The following ZAP70 variants were observed in gnomAD, a reference collection of about 807,000 sequenced individuals.
ZAP70 encodes the protein zeta chain of T cell receptor associated protein kinase 70.
In ZAP70, 27 loss-of-function variants were observed where a neutral mutation model predicts 65.8. That is an observed-to-expected ratio of 0.41 (90% CI 0.30 to 0.57). The LOEUF (loss-of-function observed/expected upper bound fraction) is 0.57. ZAP70 is among the 20% of genes least tolerant of loss of function. The pLI is 0.28. For synonymous variants in ZAP70, 363 were observed against 360.8 expected (o/e 1.01, Z -0.07); for missense variants, 696 against 870.5 (o/e 0.80, Z 2.52).
At chr2:97,748,931 T>C in the ZAP70 span, among the ~76,000 whole-genome samples, 65 of 152,136 alleles carry the variant, frequency 4.3e-4, 1 homozygote, top group South Asian at 0.013. Flanking sequence ...TGTGCTCTTC[T>C]TAGGTCCGTG....
chr2:97,736,271 A>C lies in ZAP70; in HGVS notation c.1289+815A>C, dbSNP rs556997299. 1.3e-5 allele frequency among the ~76,000 whole-genome samples: 2 copies of C among 152,146 alleles called. No homozygotes were observed. The highest frequency in any genetic ancestry group is 4.8e-5 in the African/African-American group (2 of 41,496). On this transcript the variant is annotated intron_variant, in intron 10 of 13. Coordinates refer to ENST00000264972, the MANE Select transcript of ZAP70 (RefSeq NM_001079.4). This position sits in a 1 kb window ranked among gnomAD's most constrained non-coding sequence, Gnocchi z 4.0. ...ATCCTTACTATCCGGCCCTTTACTGAAAAGTTTTGCAGTTTCATTTGTGGT... is the reference window on the plus strand; with the variant it reads ...ATCCTTACTATCCGGCCCTTTACTGCAAAGTTTTGCAGTTTCATTTGTGGT...
rs1559326539 is a variant in ZAP70 at position 97,733,901 on chromosome 2, G to C, written c.889+306G>C. ...GAGGTCACTGTGTGTATGAGCCACC[G>C]AACCCTCCTGACATGCCTTATGAAG... is the stretch of plus-strand genomic sequence containing the variant. On this transcript the variant is annotated intron_variant, in intron 8 of 13. Coordinates refer to ENST00000264972, the MANE Select transcript of ZAP70 (RefSeq NM_001079.4). 3 of 515,256 alleles carry C rather than the reference G, an allele frequency of 5.8e-6. No homozygotes were observed. The South Asian group carries it at 6.3e-5, about 11-fold the overall frequency. The allele number at this position is 515,256 out of a possible 1,614,324, so 31.9% of individuals were successfully genotyped here. A position where few individuals can be genotyped will look rare whatever the true frequency, so the allele number is the denominator to read the frequency against.
At chr2:97,747,374 T>C in the ZAP70 span, among the ~76,000 whole-genome samples, 308 of 152,358 alleles carry the variant, frequency 2.0e-3, 5 homozygotes, top group Middle Eastern at 3.4e-3. Flanking sequence ...GGAAGCCTTA[T>C]TCAGCCATAA....
chr2:97,749,215 T>TA, the ZAP70 span, among the ~76,000 whole-genome samples: 1 of 152,184 alleles, frequency 6.6e-6, no homozygotes, highest in South Asian at 2.1e-4. Flanking sequence ...TTCACCGTGT[T>TA]AGCCAGGATG....
At position 97,735,440 on chromosome 2, in the gene ZAP70, T is replaced by C; in HGVS notation, c.1273T>C (p.Phe425Leu). 6.2e-7 allele frequency: 1 copy of C among 1,611,912 alleles called. No individual in the cohort carries two copies. The highest frequency in any genetic ancestry group is 8.5e-7 in the Non-Finnish European group (1 of 1,178,598). The change falls in exon 10 of 14, where the codon TTC becomes CTC. Residue 425 changes from phenylalanine (F) to leucine (L), a missense_variant. Physicochemically the swap from Phe to Leu is conservative, Grantham distance 22. Transcript: ENST00000264972. ...EMAGGGPLHK[F>L]LVGKREEIPV... ...GGCTGGGGGCGGGCCGCTGCACAAG[T>C]TCCTGGTCGGCAAGAGGTGAGCACC...
At position 97,737,724 on chromosome 2, in the gene ZAP70, A is replaced by G; in HGVS notation, c.1483-33A>G. On this transcript the variant is annotated intron_variant, in intron 11 of 13. Transcript: ENST00000264972. The surrounding 1 kb of genome is among the most constrained non-coding windows in gnomAD (Gnocchi z 5.0). ...GGGCTGGGTGGGTAGAGGGTCCCTG[A>G]CCCCTGATCCAGCAGCATCTCCCCC... 6.2e-7 allele frequency: 1 copy of G among 1,613,830 alleles called. No homozygotes were observed. Among genetic ancestry groups the G allele is most frequent in the Middle Eastern group, 1.6e-4 (1 of 6,062 alleles).
chr2:97,741,366 AC>A (rs1187692477), downstream of ZAP70, among the ~76,000 whole-genome samples: 2 of 151,502 alleles, frequency 1.3e-5, no homozygotes. Context: ...CTCTGCATTC[AC>A]CGCTGCCGCT....
At chr2:97,755,184 C>T in the ZAP70 span, among the ~76,000 whole-genome samples, 11 of 152,120 alleles carry the variant, frequency 7.2e-5, no homozygotes, top group Admixed American at 4.6e-4. Flanking sequence ...CCAACCGATG[C>T]GTTGTGGCGT....
intron 2 of ZAP70, among the ~76,000 whole-genome samples, chr2:97,721,580 A>ATTTTTTGTT (rs1677156907): frequency 1.2e-5 from 1 of 81,164 alleles, no homozygotes; most frequent in Non-Finnish European, 2.3e-5. Flanking sequence ...TGGCTGGCTG[A>ATTTTTTGTT]TTTTTTTTTT....
At chr2:97,738,844 T>TA (rs1371191378) in intron 13 of ZAP70, among the ~76,000 whole-genome samples, 3 of 151,870 alleles carry the variant, frequency 2.0e-5, no homozygotes, top group Non-Finnish European at 1.5e-5. Context: ...CACACCCCAG[T>TA]ACCCAAAGAG....
chr2:97,724,975 A>T (rs2104664582), intron 3 of ZAP70, 117 bp from the exon 4 acceptor site: 1 of 1,543,686 alleles, frequency 6.5e-7, no homozygotes, highest in Non-Finnish European at 8.7e-7. Context: ...CCTGCCTAAC[A>T]CGCGCTAGGG....
chr2:97,754,124 G>C, the ZAP70 span, among the ~76,000 whole-genome samples: 2 of 152,148 alleles, frequency 1.3e-5, no homozygotes, highest in African/African-American at 4.8e-5. Context: ...ACTGAGTTGT[G>C]TCAGATCTTC....
rs374468792 is a variant in ZAP70, at chr2:97,718,182, G to A, written c.-22+4188G>A. Among the ~76,000 whole-genome samples, 418 of 152,248 alleles carry A rather than the reference G, an allele frequency of 2.7e-3. 4 individuals are homozygous for A. Among genetic ancestry groups the A allele is most frequent in the African/African-American group, 9.5e-3 (394 of 41,526 alleles). On this transcript the variant is annotated intron_variant, in intron 2 of 13. Coordinates refer to ENST00000264972, the MANE Select transcript of ZAP70 (RefSeq NM_001079.4). ...CCCAGGCAGGTCGAGGGCTGGGGTG[G>A]GTCTCATGGTGGGTGTGTCTTCTGG...
downstream of ZAP70, among the ~76,000 whole-genome samples, chr2:97,741,708 C>G (rs1678135190): frequency 6.6e-6 from 1 of 152,270 alleles, no homozygotes; most frequent in Non-Finnish European, 1.5e-5. Flanking sequence ...AGTTACAATT[C>G]TTAGAAAGGT....
chr2:97,747,234 A>T, the ZAP70 span, among the ~76,000 whole-genome samples: 2 of 152,244 alleles, frequency 1.3e-5, no homozygotes, highest in Admixed American at 1.3e-4. Flanking sequence ...TGGAAAACGT[A>T]TGTTCACACA....
At chr2:97,751,111 T>C in the ZAP70 span, among the ~76,000 whole-genome samples, 2 of 152,238 alleles carry the variant, frequency 1.3e-5, no homozygotes, top group African/African-American at 4.8e-5. Flanking sequence ...TATCTGAACA[T>C]ATCTAACCAC....
intron 2 of ZAP70, among the ~76,000 whole-genome samples, chr2:97,719,555 G>T (rs528479272): frequency 7.4e-5 from 11 of 149,096 alleles, no homozygotes; most frequent in Non-Finnish European, 1.0e-4. Context: ...GAACAGCCTG[G>T]GGGGGGGGCG....
At chr2:97,717,540 C>G (rs764878455) in intron 2 of ZAP70, among the ~76,000 whole-genome samples, 1 of 151,970 alleles carries the variant, frequency 6.6e-6, no homozygotes, top group South Asian at 2.1e-4. Context: ...TGCTCCTGCC[C>G]GCTCCCACCA....
Position 97,724,087 on chromosome 2 carries a change from T to C in ZAP70, c.51T>C (p.Arg17=). 6.4e-7 allele frequency: 1 copy of C among 1,561,242 alleles called. No individual in the cohort carries two copies. Among genetic ancestry groups the C allele is most frequent in the East Asian group, 2.4e-5 (1 of 42,398 alleles). Residue 17 remains arginine (R), a synonymous_variant, in exon 3 of 14, where the codon CGT becomes CGC. Transcript: ENST00000264972. ...CCTTCTTCTACGGCAGCATCTCGCG[T>C]GCCGAGGCCGAGGAGCACCTGAAGC... ...HLPFFYGSIS[R]AEAEEHLKLA...
Sources: allele counts gnomAD v4.1 joint callset (sites outside exome capture counted in the v4.1 genomes callset), GRCh38; gene constraint gnomAD v4.1.1; non-coding constraint Gnocchi (gnomAD v3.1); transcripts MANE v1.5; gene names NCBI Gene and HGNC (gene_info 2026-07-23, HGNC 2026-07-21).